FARSB: variants seen among roughly 807,000 people sequenced by gnomAD.
FARSB encodes phenylalanine--tRNA ligase beta subunit.
In FARSB, 40 loss-of-function variants were observed where a neutral mutation model predicts 69.6. The observed-to-expected ratio is 0.57, with a 90% CI of 0.45 to 0.75. FARSB has a LOEUF of 0.75. Among genes scored for constraint, FARSB ranks in the 30% least tolerant of loss-of-function variants. The probability of loss-of-function intolerance (pLI) is 0.00; values close to 1 mark genes in which losing one functional copy is unlikely to be tolerated. For missense variants in FARSB, 632 were observed against 722.9 expected (o/e 0.87, Z 1.44); for synonymous variants, 235 against 247.2 (o/e 0.95, Z 0.46).
At chr2:222,574,354 C>T (rs1689784866) in intron 16 of FARSB, among the ~76,000 whole-genome samples, 2 of 152,170 alleles carry the variant, frequency 1.3e-5, no homozygotes, top group South Asian at 4.1e-4. Context: ...TCATACTATG[C>T]TTTATTTAAA....
chr2:222,643,363 C>T (rs1333382642), intron 2 of FARSB, among the ~76,000 whole-genome samples: 2 of 152,138 alleles, frequency 1.3e-5, no homozygotes, highest in East Asian at 3.8e-4. Context: ...CATTCATTTA[C>T]ATATTATCTA....
intron 16 of FARSB, among the ~76,000 whole-genome samples, chr2:222,573,777 T>G (rs563484967): frequency 2.0e-5 from 3 of 152,186 alleles, no homozygotes; most frequent in Non-Finnish European, 4.4e-5. Context: ...CCACACTACC[T>G]GAAAAAAGAC....
intron 5 of FARSB, among the ~76,000 whole-genome samples, chr2:222,634,917 G>A (rs1158178812): frequency 6.6e-6 from 1 of 152,144 alleles, no homozygotes; most frequent in Non-Finnish European, 1.5e-5. Context: ...AAGTAAACAT[G>A]TTTTAATAAA....
intron 16 of FARSB, 39 bp from the exon 17 acceptor site, chr2:222,572,061 C>G: frequency 5.0e-6 from 8 of 1,586,322 alleles, no homozygotes; most frequent in Non-Finnish European, 6.9e-6. Flanking sequence ...AATGTTTCTT[C>G]TGGCAAAACA....
intron 10 of FARSB, among the ~76,000 whole-genome samples, chr2:222,626,421 GA>G (rs1015042941): frequency 6.6e-6 from 1 of 151,546 alleles, no homozygotes; most frequent in Non-Finnish European, 1.5e-5. Flanking sequence ...CAAAACACAA[GA>G]AAAAAAATTT....
chr2:222,595,422 CAGGTCATTAGGT>C (rs1690384753), intron 16 of FARSB, among the ~76,000 whole-genome samples: 1 of 152,102 alleles, frequency 6.6e-6, no homozygotes, highest in Non-Finnish European at 1.5e-5. Context: ...TCATGAACTC[CAGGTCATTAGGT>C]ATTACTGTAG....
intron 8 of FARSB, 42 bp from the exon 9 acceptor site, chr2:222,630,216 A>G: frequency 1.0e-6 from 1 of 998,744 alleles, no homozygotes; most frequent in Non-Finnish European, 1.5e-6. Flanking sequence ...CTATAAATAT[A>G]TTCTCTTCAC....
intron 16 of FARSB, among the ~76,000 whole-genome samples, chr2:222,576,906 G>C (rs372752622): frequency 6.6e-6 from 1 of 152,166 alleles, no homozygotes; most frequent in Non-Finnish European, 1.5e-5. Context: ...ACAGCATATA[G>C]AGGCTATAAA....
intron 14 of FARSB, among the ~76,000 whole-genome samples, chr2:222,618,390 C>T (rs1691051320): frequency 6.6e-6 from 1 of 152,226 alleles, no homozygotes; most frequent in Admixed American, 6.5e-5. Context: ...AATCAGAATT[C>T]AGATATTATT....
rs373010844 is a variant in FARSB, at chr2:222,642,875, C to G, written c.245G>C (p.Arg82Pro). The change falls in exon 3 of 17, where the codon CGA becomes CCA. Residue 82 changes from arginine to proline, a missense_variant. Arg to Pro is a moderately radical substitution (Grantham distance 103). Transcript: ENST00000281828. Reference sequence around the variant, plus strand: ...CCTTTCTTTGAAGACCTGAAGTCCTCGAACCAATCCTTCCAGACACAGGAG... The same window carrying G: ...CCTTTCTTTGAAGACCTGAAGTCCTGGAACCAATCCTTCCAGACACAGGAG... ...YDLLCLEGLV[R>P]GLQVFKERIK... The G allele has an allele frequency of 6.2e-7, 1 of 1,610,328 alleles. No homozygotes were observed.
At chr2:222,580,494 C>CAAAA (rs5838957) in intron 16 of FARSB, among the ~76,000 whole-genome samples, 1 of 139,488 alleles carries the variant, frequency 7.2e-6, no homozygotes. Flanking sequence ...GACAACATCT[C>CAAAA]AAAAAAAAAA....
chr2:222,654,636 G>T (rs532111890), intron 1 of FARSB, among the ~76,000 whole-genome samples: 1 of 152,312 alleles, frequency 6.6e-6, no homozygotes, highest in East Asian at 1.9e-4. Flanking sequence ...AAGGGTAAGA[G>T]TAATACAATA....
intron 1 of FARSB, among the ~76,000 whole-genome samples, chr2:222,653,186 G>T (rs1574959841): frequency 6.6e-6 from 1 of 152,206 alleles, no homozygotes; most frequent in Non-Finnish European, 1.5e-5. Flanking sequence ...CGTTGAAAAG[G>T]TAGACTAAGG....
chr2:222,641,272 G>A lies in FARSB; in HGVS notation c.270-341C>T, dbSNP rs575034182. On this transcript the variant is annotated intron_variant, in intron 3 of 16. Coordinates refer to ENST00000281828, the MANE Select transcript of FARSB (RefSeq NM_005687.5). ...CTGGATTAGATAACCTTTAAGTTAT[G>A]ATAGTTATTCTAACCATGAGATTCT... Among the ~76,000 whole-genome samples, 3 of 152,282 alleles carry A rather than the reference G, an allele frequency of 2.0e-5. No homozygotes were observed. The South Asian group carries it at 6.2e-4, about 32-fold the overall frequency.
rs769254897 is a variant in FARSB at position 222,613,928 on chromosome 2, C to T, written c.1345G>A (p.Val449Met). 1.2e-6 allele frequency: 2 copies of T among 1,602,840 alleles called. No homozygotes were observed. The highest frequency in any genetic ancestry group is 1.1e-5 in the South Asian group (1 of 90,780). Residue 449 changes from valine to methionine, a missense_variant and splice_region_variant, in exon 15 of 17, where the codon GTG becomes ATG. By Grantham distance (21) the Val-to-Met change is conservative. Transcript: ENST00000281828. Reference protein sequence around the residue: ...ISNPKTAEFQVARTTLLPGLL... With the variant: ...ISNPKTAEFQMARTTLLPGLL... ...CCAGGAAGAAGGGTAGTGCGTGCCA[C>T]CTACAGGAAAAGACATGAAATTGCA...
chr2:222,621,496 T>A (rs1169788110), intron 13 of FARSB, among the ~76,000 whole-genome samples: 2 of 152,348 alleles, frequency 1.3e-5, no homozygotes, highest in East Asian at 3.9e-4. Flanking sequence ...GTGCTGGGAT[T>A]ACAGGCATGA....
In FARSB at chr2:222,636,448, C is replaced by T. The variant is rs965333295; in HGVS notation, c.456-1907G>A. On this transcript the variant is annotated intron_variant, in intron 5 of 16. Coordinates refer to ENST00000281828, the MANE Select transcript of FARSB (RefSeq NM_005687.5). ...AGAGTCAACTTCCAGGACACCACTT[C>T]TTAAGTAGGTCATAAAATCTAAAAG... Among the ~76,000 whole-genome samples the T allele has an allele frequency of 2.7e-5, 4 of 150,166 alleles. No individual in the cohort carries two copies. In the South Asian group the frequency reaches 6.3e-4, roughly 24 times the overall value.
intron 1 of FARSB, 117 bp from the exon 2 acceptor site, chr2:222,648,912 C>T (rs1691948496): frequency 1.3e-6 from 1 of 751,892 alleles, no homozygotes; most frequent in Non-Finnish European, 2.4e-6. Context: ...TACTAAATAT[C>T]AGGCATCACA....
At chr2:222,609,541 C>T (rs1438186184) in intron 15 of FARSB, among the ~76,000 whole-genome samples, 3 of 152,188 alleles carry the variant, frequency 2.0e-5, no homozygotes, top group Non-Finnish European at 4.4e-5. Flanking sequence ...CAACAAAATG[C>T]ATAAATCAGC....
Sources: gnomAD v4.1 joint callset for allele counts (sites outside exome capture counted in the v4.1 genomes callset) on GRCh38, gnomAD v4.1.1 for gene constraint, MANE v1.5 for transcripts, NCBI Gene and HGNC (gene_info 2026-07-23, HGNC 2026-07-21) for gene names.